Variants in CRB1 observed in about 807,000 individuals in gnomAD.
CRB1 encodes protein crumbs homolog 1.
In CRB1, 83 loss-of-function variants were observed where a neutral mutation model predicts 120.0. The ratio of observed to expected loss-of-function variants is 0.69; its 90% CI spans 0.58 to 0.83. The LOEUF is 0.83. Among genes scored for constraint, CRB1 ranks in the 40% least tolerant of loss-of-function variants. The pLI, the probability that CRB1 is intolerant of heterozygous loss-of-function variation, is 0.00. For synonymous variants in CRB1, 625 were observed against 612.5 expected (o/e 1.02, Z -0.30); for missense variants, 1,699 against 1,687.6 (o/e 1.01, Z -0.12).
At chr1:197,428,734 T>A (rs1460060506) in intron 7 of CRB1, among the ~76,000 whole-genome samples, 1 of 152,200 alleles carries the variant, frequency 6.6e-6, no homozygotes, top group Non-Finnish European at 1.5e-5. Context: ...TCCACTTAGT[T>A]CTATTGAAGG....
At chr1:197,258,812 T>G in the CRB1 span, among the ~76,000 whole-genome samples, 1 of 152,210 alleles carries the variant, frequency 6.6e-6, no homozygotes, top group African/African-American at 2.4e-5. Context: ...AAATAGAACC[T>G]GCTTCATAGT....
chr1:197,257,350 C>A, the CRB1 span, among the ~76,000 whole-genome samples: 1 of 152,066 alleles, frequency 6.6e-6, no homozygotes, highest in Non-Finnish European at 1.5e-5. Flanking sequence ...ATGGTAATCT[C>A]TTTTGGAAAC....
chr1:197,434,762 G>A lies in CRB1; in HGVS notation c.2899G>A (p.Gly967Arg). The part of the protein sequence containing the change: ...QSGQILFRSN[G>R]NITRELTNIT... ...CGGTCAAATATTATTCAGAAGCAAT[G>A]GGAATATTACCAGAGAACTCACCAA... Residue 967 changes from glycine (G) to arginine (R), a missense_variant, in exon 9 of 12, where the codon GGG becomes AGG. Coordinates refer to ENST00000367400, the MANE Select transcript of CRB1 (RefSeq NM_201253.3). The A allele has an allele frequency of 6.2e-7, 1 of 1,613,574 alleles. No individual in the cohort carries two copies.
chr1:197,453,882 T>G (rs1047323844), intron 11 of CRB1, among the ~76,000 whole-genome samples: 1 of 141,410 alleles, frequency 7.1e-6, no homozygotes, highest in African/African-American at 2.6e-5. Context: ...TAATAATATA[T>G]ATTATTAATA....
chr1:197,466,438 T>G (rs148515313), intron 11 of CRB1, among the ~76,000 whole-genome samples: 1 of 152,278 alleles, frequency 6.6e-6, no homozygotes, highest in East Asian at 1.9e-4. Context: ...CTGAGAGACT[T>G]ATTCGAATGT....
chr1:197,317,342 C>T (rs1657913428), intron 1 of CRB1, among the ~76,000 whole-genome samples: 2 of 152,226 alleles, frequency 1.3e-5, no homozygotes, highest in South Asian at 4.1e-4. Context: ...CACTTGAACT[C>T]GGGAAGCGGA....
the CRB1 span, among the ~76,000 whole-genome samples, chr1:197,252,538 TTATATATATATATATATATATATA>T: frequency 1.6e-3 from 45 of 27,818 alleles, 1 homozygote; most frequent in South Asian, 7.9e-3. Context: ...CCAATAGATT[TTATATATATATATATATATATATA>T]TATATATATA....
chr1:197,233,849 T>A, the CRB1 span, among the ~76,000 whole-genome samples: 1 of 152,184 alleles, frequency 6.6e-6, no homozygotes, highest in Admixed American at 6.5e-5. Context: ...GTAAGATCCC[T>A]CTAATGGGTT....
intron 2 of CRB1, among the ~76,000 whole-genome samples, chr1:197,338,823 A>G (rs578069097): frequency 2.6e-5 from 4 of 152,188 alleles, no homozygotes; most frequent in Non-Finnish European, 5.9e-5. Flanking sequence ...AATTTTCTGT[A>G]TCATCAGATT....
In CRB1 at chr1:197,380,023, G is replaced by A. The variant is rs372626761; in HGVS notation, c.1171+23010G>A. Among the ~76,000 whole-genome samples the A allele has an allele frequency of 6.6e-5, 10 of 152,226 alleles. No homozygotes were observed. In the South Asian group the frequency reaches 2.1e-3, roughly 32 times the overall value. On this transcript the variant is annotated intron_variant, in intron 5 of 11. Coordinates refer to ENST00000367400, the MANE Select transcript of CRB1 (RefSeq NM_201253.3). ...TTAATACATGACCATCTCACTTTGTGATTTAAATGTTTTAATTACTGCAGT... is the reference window on the plus strand; with the variant it reads ...TTAATACATGACCATCTCACTTTGTAATTTAAATGTTTTAATTACTGCAGT...
intron 11 of CRB1, among the ~76,000 whole-genome samples, chr1:197,453,939 AAT>A (rs1666147847): frequency 3.1e-5 from 4 of 130,456 alleles, no homozygotes; most frequent in South Asian, 2.2e-4. Flanking sequence ...TATTATTAAT[AAT>A]ATATATTATT....
intron 5 of CRB1, among the ~76,000 whole-genome samples, chr1:197,376,108 C>T (rs906328269): frequency 6.6e-6 from 1 of 152,154 alleles, no homozygotes; most frequent in African/African-American, 2.4e-5. Flanking sequence ...CACTATCATT[C>T]TATTGCTAGC....
chr1:197,354,551 A>G (rs1411109183), intron 4 of CRB1, among the ~76,000 whole-genome samples: 1 of 151,448 alleles, frequency 6.6e-6, no homozygotes, highest in African/African-American at 2.4e-5. Context: ...GAGTGTTACA[A>G]CTCTTAAGAT....
intron 11 of CRB1, among the ~76,000 whole-genome samples, chr1:197,468,697 A>G (rs1666852480): frequency 6.6e-6 from 1 of 152,224 alleles, no homozygotes; most frequent in East Asian, 1.9e-4. Context: ...CACATTGAAC[A>G]ACAGCTACAC....
At chr1:197,240,234 T>C in the CRB1 span, among the ~76,000 whole-genome samples, 1 of 152,172 alleles carries the variant, frequency 6.6e-6, no homozygotes, top group African/African-American at 2.4e-5. Flanking sequence ...TTTTTTTAAT[T>C]ATACTTTAAG....
chr1:197,398,892 T>TTTTGTG (rs1553257311), intron 5 of CRB1, among the ~76,000 whole-genome samples: 1 of 136,310 alleles, frequency 7.3e-6, no homozygotes, highest in Non-Finnish European at 1.6e-5. Flanking sequence ...CAGGAAATGA[T>TTTTGTG]TGTGTGTGTG....
At chr1:197,377,595 A>G (rs764524878) in intron 5 of CRB1, among the ~76,000 whole-genome samples, 1 of 152,210 alleles carries the variant, frequency 6.6e-6, no homozygotes, top group African/African-American at 2.4e-5. Flanking sequence ...TAAGTTTTCC[A>G]TGCCACTTGA....
At chr1:197,291,113 T>C (rs949966448) in intron 1 of CRB1, among the ~76,000 whole-genome samples, 49 of 151,812 alleles carry the variant, frequency 3.2e-4, no homozygotes, top group Non-Finnish European at 6.6e-4. Context: ...AAATAATAAC[T>C]TCAAGAGCTA....
intron 5 of CRB1, among the ~76,000 whole-genome samples, chr1:197,374,468 C>T (rs1184602119): frequency 1.3e-5 from 2 of 152,086 alleles, no homozygotes; most frequent in African/African-American, 4.8e-5. Context: ...CCATTGTGCT[C>T]TGCCCTGTCA....
Sources: gnomAD v4.1 joint callset for allele counts (sites outside exome capture counted in the v4.1 genomes callset) on GRCh38, gnomAD v4.1.1 for gene constraint, MANE v1.5 for transcripts, NCBI Gene and HGNC (gene_info 2026-07-23, HGNC 2026-07-21) for gene names.